USH1C: variants seen among roughly 807,000 people sequenced by gnomAD.
USH1C encodes USH1 protein network component harmonin, also known as harmonin.
A neutral mutation model predicts 119.3 loss-of-function variants in USH1C; 90 were observed. The ratio of observed to expected loss-of-function variants is 0.75; its 90% CI spans 0.64 to 0.90. USH1C has a LOEUF of 0.90. USH1C is among the 40% of genes least tolerant of loss of function. The probability of loss-of-function intolerance (pLI) is 0.00; values close to 1 mark genes in which losing one functional copy is unlikely to be tolerated. For missense variants in USH1C, 1,165 were observed against 1,167.7 expected, an observed-to-expected ratio of 1.00 and a Z score of 0.03; for synonymous variants, 465 against 443.3, an observed-to-expected ratio of 1.05 and a Z score of -0.62.
intron 23 of USH1C, 54 bp downstream of exon 23, chr11:17,500,997 C>T (rs1849416571): frequency 2.0e-6 from 3 of 1,501,450 alleles, no homozygotes; most frequent in East Asian, 4.7e-5. Context: ...CCGGGAGGGC[C>T]CCGTCTAACC....
At position 17,509,528 on chromosome 11, in the gene USH1C, T is replaced by C; in HGVS notation, c.1841A>G (p.Gln614Arg). ...PIPPPPSVPTQDLTPTRPLPS... is the reference protein window; with the variant it reads ...PIPPPPSVPTRDLTPTRPLPS... Reference sequence around the variant, plus strand: ...CAGTGGGCGGGTGGGAGTGAGGTCTTGGGTGGGAACGGATGGCGGGGGAGG... The same window carrying C: ...CAGTGGGCGGGTGGGAGTGAGGTCTCGGGTGGGAACGGATGGCGGGGGAGG... Residue 614 changes from glutamine (Q) to arginine (R), a missense_variant, in exon 18 of 27, where the codon CAA becomes CGA. By Grantham distance (43) the Gln-to-Arg change is conservative. Coordinates refer to ENST00000005226, the MANE Select transcript of USH1C (RefSeq NM_153676.4). 1.0e-6 allele frequency: 1 copy of C among 960,406 alleles called. No homozygotes were observed. The highest frequency in any genetic ancestry group is 1.4e-6 in the Non-Finnish European group (1 of 726,896). 59.5% of individuals were successfully genotyped at this position (960,406 alleles called of 1,614,324 possible).
chr11:17,519,273 A>G (rs1364006131), intron 14 of USH1C, among the ~76,000 whole-genome samples: 1 of 152,228 alleles, frequency 6.6e-6, no homozygotes, highest in Admixed American at 6.5e-5. Context: ...TTGCTGGTGC[A>G]TACAGAGACA....
chr11:17,528,583 G>A (rs762335337), intron 4 of USH1C, among the ~76,000 whole-genome samples: 4 of 152,228 alleles, frequency 2.6e-5, no homozygotes, highest in Admixed American at 6.5e-5. Flanking sequence ...GCTGGCACAC[G>A]TGAGGGATGC....
At chr11:17,506,163 C>T (rs149810094) in intron 18 of USH1C, among the ~76,000 whole-genome samples, 6 of 152,290 alleles carry the variant, frequency 3.9e-5, no homozygotes, top group African/African-American at 7.2e-5. Context: ...AACTACTGAG[C>T]GGCTCTAAGA....
intron 23 of USH1C, 57 bp from the exon 24 acceptor site, chr11:17,498,328 C>T (rs1849317097): frequency 1.3e-6 from 2 of 1,528,648 alleles, no homozygotes; most frequent in Non-Finnish European, 1.8e-6. Context: ...GTGCCTGGCC[C>T]AGGGCTTGGC....
rs566278729 is a variant in USH1C at position 17,533,363 on chromosome 11, A to C, written c.37-41T>G. On this transcript the variant is annotated intron_variant, in intron 1 of 26. Transcript: ENST00000005226. ...GCAGAATCACAGCTCCAGGCTCAGC[A>C]CCCGCCCCCATAGCAGACCTCAGGG... The C allele has an allele frequency of 3.0e-3, 4,145 of 1,371,112 alleles. 7 individuals are homozygous for C. The highest frequency in any genetic ancestry group is 0.011 in the Middle Eastern group (58 of 5,368). 84.9% of individuals were successfully genotyped at this position (1,371,112 alleles called of 1,614,324 possible).
At position 17,531,277 on chromosome 11, in the gene USH1C, CA is replaced by C. The variant is rs1850961650; in HGVS notation, c.263del (p.Val88GlyfsTer13). ...TPRRSRKLKE[V>X]RLDRLHPEGL... ...CTTCGGGGTGCAGACGGTCCAGACG[CA>C]CCTCCTTCAGCTTCCTGCCACACAG... On this transcript the variant is annotated frameshift_variant, in exon 4 of 27. Transcript: ENST00000005226. LOFTEE classifies it high-confidence loss of function. The surrounding 1 kb of genome is among the most constrained non-coding windows in gnomAD (Gnocchi z 4.2). The C allele has an allele frequency of 6.2e-7, 1 of 1,614,144 alleles. No homozygotes were observed. The highest frequency in any genetic ancestry group is 8.5e-7 in the Non-Finnish European group (1 of 1,180,048).
At chr11:17,497,361 C>A (rs562273774) in intron 24 of USH1C, among the ~76,000 whole-genome samples, 31 of 152,270 alleles carry the variant, frequency 2.0e-4, no homozygotes, top group African/African-American at 7.0e-4. Context: ...GCCCCTCTAC[C>A]ATGAGCTGGT....
At chr11:17,504,324 C>T (rs1407058663) in intron 20 of USH1C, among the ~76,000 whole-genome samples, 1 of 152,186 alleles carries the variant, frequency 6.6e-6, no homozygotes, top group Non-Finnish European at 1.5e-5. Flanking sequence ...AGCGAGGGCC[C>T]ATCTTGGCCT....
Position 17,526,436 on chromosome 11 carries a change from C to T in USH1C, c.585G>A (p.Val195=). ...TTCCAGGGGAGCCCAGGCTGCCTCG[C>T]ACGCCCTGAAAGAGAGATAGAAGCA... The part of the protein sequence containing the change: ...VDQFVSESGG[V]RGSLGSPGNR... Residue 195 remains valine, a synonymous_variant, in exon 8 of 27, where the codon GTG becomes GTA. Coordinates refer to ENST00000005226, the MANE Select transcript of USH1C (RefSeq NM_153676.4). The T allele has an allele frequency of 6.2e-7, 1 of 1,613,918 alleles. No homozygotes were observed. The highest frequency in any genetic ancestry group is 8.5e-7 in the Non-Finnish European group (1 of 1,179,916).
At chr11:17,496,300 C>T (rs1849247459) in intron 25 of USH1C, among the ~76,000 whole-genome samples, 1 of 152,142 alleles carries the variant, frequency 6.6e-6, no homozygotes, top group Non-Finnish European at 1.5e-5. Flanking sequence ...CTGGAGATCC[C>T]ACAGCGTGGG....
Position 17,527,219 on chromosome 11 carries a change from T to A in USH1C, c.496+4A>T, listed in dbSNP as rs1380408175. On this transcript the variant is annotated splice_donor_region_variant and intron_variant, in intron 5 of 26. Coordinates refer to ENST00000005226, the MANE Select transcript of USH1C (RefSeq NM_153676.4). Reference sequence around the variant, plus strand: ...GAGTACTGCCCTGCTCTGGCCTCACTCACGTCTCACTTTGATGGACACAGT... The same window carrying A: ...GAGTACTGCCCTGCTCTGGCCTCACACACGTCTCACTTTGATGGACACAGT... The A allele has an allele frequency of 7.1e-7, 1 of 1,409,838 alleles. No individual in the cohort carries two copies. 87.3% of individuals were successfully genotyped at this position (1,409,838 alleles called of 1,614,324 possible). A position where few individuals can be genotyped will look rare whatever the true frequency, so the allele number is the denominator to read the frequency against.
rs1177341728 is a variant in USH1C, at chr11:17,526,329, G to A, written c.674+18C>T. 6.2e-7 allele frequency: 1 copy of A among 1,608,626 alleles called. No individual in the cohort carries two copies. ...GTGCACTGGCCACGAATGACCCCAGGGCATGCCTGCCACCCACCTGCAGCC... is the reference window on the plus strand; with the variant it reads ...GTGCACTGGCCACGAATGACCCCAGAGCATGCCTGCCACCCACCTGCAGCC... On this transcript the variant is annotated intron_variant, in intron 8 of 26. Coordinates refer to ENST00000005226, the MANE Select transcript of USH1C (RefSeq NM_153676.4).
intron 11 of USH1C, 24 bp downstream of exon 11, chr11:17,523,187 C>T (rs1431516112): frequency 1.2e-6 from 2 of 1,613,998 alleles, no homozygotes; most frequent in Non-Finnish European, 1.7e-6. Flanking sequence ...TCAAGGGGCT[C>T]CCACCAGCTC....
At position 17,520,840 on chromosome 11, in the gene USH1C, T is replaced by C. The variant is rs1450925452; in HGVS notation, c.1210+30A>G. On this transcript the variant is annotated intron_variant, in intron 14 of 26. Coordinates refer to ENST00000005226, the MANE Select transcript of USH1C (RefSeq NM_153676.4). ...GGCCAGCATTTCTGACTAGTTCCCT[T>C]AGCCTCTCCCCTCGGCTCATGAAAC... The C allele has an allele frequency of 1.9e-6, 3 of 1,613,828 alleles. No individual in the cohort carries two copies. The South Asian group carries it at 3.3e-5, about 18-fold the overall frequency.
chr11:17,526,664 T>A, intron 7 of USH1C, 89 bp downstream of exon 7: 2 of 1,426,334 alleles, frequency 1.4e-6, no homozygotes, highest in South Asian at 1.2e-5. Flanking sequence ...TGAGGGTGCA[T>A]CTCTAGAGCA....
chr11:17,513,296 A>G (rs1419355249), intron 15 of USH1C, among the ~76,000 whole-genome samples: 1 of 152,094 alleles, frequency 6.6e-6, no homozygotes, highest in Non-Finnish European at 1.5e-5. Flanking sequence ...ACCCTGGGCA[A>G]TTTCTGGGGC....
chr11:17,509,479 C>T lies in USH1C; in HGVS notation c.1890G>A (p.Leu630=). ...RPLPSALEEA[L]SNHPFRTGDT... ...CCCCAGTGCGGAAGGGATGGTTGCT[C>T]AGTGCTTCTTCCAGCGCCGAGGGCA... Residue 630 remains leucine, a synonymous_variant, in exon 18 of 27, where the codon CTG becomes CTA. Transcript: ENST00000005226. The T allele has an allele frequency of 1.9e-6, 3 of 1,608,550 alleles. No individual in the cohort carries two copies. The highest frequency in any genetic ancestry group is 1.4e-5 in the African/African-American group (1 of 73,144).
intron 23 of USH1C, among the ~76,000 whole-genome samples, chr11:17,498,905 C>T (rs1242916393): frequency 6.6e-6 from 1 of 152,236 alleles, no homozygotes; most frequent in East Asian, 1.9e-4. Context: ...CTTTTTGGTT[C>T]ACCATAATAT....
Sources: allele counts gnomAD v4.1 joint callset (sites outside exome capture counted in the v4.1 genomes callset), GRCh38; gene constraint gnomAD v4.1.1; non-coding constraint Gnocchi (gnomAD v3.1); transcripts MANE v1.5; gene names NCBI Gene and HGNC (gene_info 2026-07-23, HGNC 2026-07-21).